The following TBC1D21 variants were observed in gnomAD, a reference collection of about 807,000 sequenced individuals.
TBC1D21 encodes the protein TBC1 domain family member 21.
In TBC1D21, 38 loss-of-function variants were observed where a neutral mutation model predicts 46.0. The ratio of observed to expected loss-of-function variants is 0.83; its 90% CI spans 0.64 to 1.08. The LOEUF (loss-of-function observed/expected upper bound fraction) is 1.08. Ranked by LOEUF, TBC1D21 falls within the 50% of genes least tolerant of loss-of-function variation. The probability of loss-of-function intolerance (pLI) is 0.00; values close to 1 mark genes in which losing one functional copy is unlikely to be tolerated. For missense variants in TBC1D21, 415 were observed against 417.9 expected (o/e 0.99, Z 0.06); for synonymous variants, 151 against 157.2 (o/e 0.96, Z 0.29).
chr15:73,899,052 C>T, the TBC1D21 span, among the ~76,000 whole-genome samples: 6,026 of 151,820 alleles, frequency 0.04, 407 homozygotes, highest in African/African-American at 0.14. Context: ...TTGGGAACAG[C>T]AGCATTTCAA....
the TBC1D21 span, among the ~76,000 whole-genome samples, chr15:73,900,032 A>G: frequency 6.6e-6 from 1 of 152,186 alleles, no homozygotes; most frequent in African/African-American, 2.4e-5. Flanking sequence ...CAGCTCCCAC[A>G]GAGGGACTTG....
At chr15:73,880,580 G>T (rs938151797) in intron 1 of TBC1D21, among the ~76,000 whole-genome samples, 3 of 152,108 alleles carry the variant, frequency 2.0e-5, no homozygotes, top group African/African-American at 7.2e-5. Context: ...AGACCATCCT[G>T]GCCGACATGG....
At position 73,881,297 on chromosome 15, in the gene TBC1D21, C is replaced by T. The variant is rs7170291; in HGVS notation, c.61-102C>T. 6.1e-5 allele frequency: 48 copies of T among 787,308 alleles called. No individual in the cohort carries two copies. In the African/African-American group the frequency reaches 6.8e-4, roughly 11 times the overall value. The allele number at this position is 787,308 out of a possible 1,614,324, so 48.8% of individuals were successfully genotyped here. A position where few individuals can be genotyped will look rare whatever the true frequency, so the allele number is the denominator to read the frequency against. The stretch of plus-strand genomic sequence containing the variant: ...GATTTCCGAAGTAAGTCAGGCTGTG[C>T]GCTTTGATACATATTGCAAAGTCCA... On this transcript the variant is annotated intron_variant, in intron 1 of 10. Coordinates refer to ENST00000300504, the MANE Select transcript of TBC1D21 (RefSeq NM_153356.3).
chr15:73,908,891 C>A, the TBC1D21 span, among the ~76,000 whole-genome samples: 1 of 152,170 alleles, frequency 6.6e-6, no homozygotes, highest in Non-Finnish European at 1.5e-5. Flanking sequence ...AGGGCCAGAC[C>A]TTCAATCCTG....
chr15:73,881,810 C>T, intron 3 of TBC1D21, 63 bp downstream of exon 3: 1 of 1,428,624 alleles, frequency 7.0e-7, no homozygotes, highest in Non-Finnish European at 9.8e-7. Context: ...TGCTGCCTCC[C>T]CAGCCTGCAG....
At chr15:73,903,221 T>C in the TBC1D21 span, among the ~76,000 whole-genome samples, 1 of 152,248 alleles carries the variant, frequency 6.6e-6, no homozygotes, top group Non-Finnish European at 1.5e-5. Flanking sequence ...AACAGGCTGC[T>C]GCCGCCTCCT....
chr15:73,886,921 T>C (rs1038067565), intron 8 of TBC1D21, among the ~76,000 whole-genome samples: 3 of 152,078 alleles, frequency 2.0e-5, no homozygotes, highest in African/African-American at 7.2e-5. Context: ...CCTGCCCAGG[T>C]GGCCTCCCCA....
chr15:73,876,394 A>AT (rs535437036), intron 1 of TBC1D21, among the ~76,000 whole-genome samples: 5,631 of 73,024 alleles, frequency 0.077, 360 homozygotes, highest in South Asian at 0.25. Context: ...CACCCGGGTA[A>AT]TTTTTGTTTT....
rs1461407465 is a variant in TBC1D21, at chr15:73,884,838, A to G, written c.425A>G (p.Lys142Arg). The change falls in exon 5 of 11, where the codon AAG becomes AGG. Residue 142 changes from lysine (K) to arginine (R), a missense_variant. Transcript: ENST00000300504. ...CCCCTGGGCAACGTCCTCATCGACAAGAAGAGGCTAGAGAAGATCCTGCTC... is the reference window on the plus strand; with the variant it reads ...CCCCTGGGCAACGTCCTCATCGACAGGAAGAGGCTAGAGAAGATCCTGCTC... The part of the protein sequence containing the change: ...KDPLGNVLID[K>R]KRLEKILLLS... 1 of 1,614,164 alleles carries G rather than the reference A, an allele frequency of 6.2e-7. No individual in the cohort carries two copies. The highest frequency in any genetic ancestry group is 2.2e-5 in the East Asian group (1 of 44,880).
the TBC1D21 span, among the ~76,000 whole-genome samples, chr15:73,902,824 T>G: frequency 6.6e-6 from 1 of 152,180 alleles, no homozygotes; most frequent in Non-Finnish European, 1.5e-5. Flanking sequence ...AAGTGTGAGG[T>G]GTCAGCTGAG....
chr15:73,898,883 ATATAT>A, the TBC1D21 span, among the ~76,000 whole-genome samples: 3 of 99,568 alleles, frequency 3.0e-5, no homozygotes, highest in African/African-American at 1.1e-4. Context: ...AAAAAAAAAT[ATATAT>A]ATATATATAT....
chr15:73,876,658 G>C (rs973144105), intron 1 of TBC1D21, among the ~76,000 whole-genome samples: 1 of 152,122 alleles, frequency 6.6e-6, no homozygotes, highest in Admixed American at 6.5e-5. Flanking sequence ...ATGTCTTCTT[G>C]TGATGTTTCT....
chr15:73,888,811 G>C (rs962113677), intron 10 of TBC1D21, among the ~76,000 whole-genome samples: 1 of 151,972 alleles, frequency 6.6e-6, no homozygotes, highest in African/African-American at 2.4e-5. Context: ...CAACTTCAGA[G>C]ACACAGACTG....
the TBC1D21 span, among the ~76,000 whole-genome samples, chr15:73,896,531 G>A: frequency 1.3e-5 from 2 of 152,064 alleles, no homozygotes; most frequent in African/African-American, 4.8e-5. Context: ...GGGGGAGTTG[G>A]TGACAATGAG....
chr15:73,877,872 C>A (rs1289273026), intron 1 of TBC1D21, among the ~76,000 whole-genome samples: 1 of 151,196 alleles, frequency 6.6e-6, no homozygotes, highest in African/African-American at 2.4e-5. Flanking sequence ...ACATCCATTC[C>A]TAATTAAAAA....
downstream of TBC1D21, chr15:73,889,326 A>G (rs2068316990): frequency 7.4e-6 from 4 of 539,010 alleles, no homozygotes; most frequent in East Asian, 1.4e-4. Context: ...ACACATTCTG[A>G]GACTAGGGAG....
At chr15:73,900,603 G>A in the TBC1D21 span, among the ~76,000 whole-genome samples, 1 of 152,214 alleles carries the variant, frequency 6.6e-6, no homozygotes. Context: ...TAGCAGCAGA[G>A]TCTCAGGCCC....
chr15:73,898,879 A>AT, the TBC1D21 span, among the ~76,000 whole-genome samples: 18 of 112,936 alleles, frequency 1.6e-4, no homozygotes, highest in South Asian at 6.2e-4. Context: ...AAAAAAAAAA[A>AT]AATATATATA....
chr15:73,879,949 T>G (rs901519101), intron 1 of TBC1D21, among the ~76,000 whole-genome samples: 1 of 151,992 alleles, frequency 6.6e-6, no homozygotes, highest in Non-Finnish European at 1.5e-5. Context: ...CAGGCTGGAG[T>G]GCAGTGGTGA....
Sources: allele counts gnomAD v4.1 joint callset (sites outside exome capture counted in the v4.1 genomes callset), GRCh38; gene constraint gnomAD v4.1.1; transcripts MANE v1.5; gene names NCBI Gene and HGNC (gene_info 2026-07-23, HGNC 2026-07-21).